Variants in SGCD observed in about 807,000 individuals in gnomAD.
SGCD encodes delta-sarcoglycan.
Under a neutral mutation model 36.6 loss-of-function variants are expected in SGCD, and 18 were observed. That is an observed-to-expected ratio of 0.49 (90% CI 0.34 to 0.73). SGCD has a LOEUF of 0.73. Ranked by LOEUF, SGCD falls within the 30% of genes least tolerant of loss-of-function variation. The pLI is 0.01. For synonymous variants in SGCD, 133 were observed against 130.6 expected, an observed-to-expected ratio of 1.02 and a Z score of -0.12; for missense variants, 387 against 346.7, an observed-to-expected ratio of 1.12 and a Z score of -0.92.
At chr5:156,643,449 G>A (rs1763116374) in intron 6 of SGCD, among the ~76,000 whole-genome samples, 1 of 151,998 alleles carries the variant, frequency 6.6e-6, no homozygotes, top group Non-Finnish European at 1.5e-5. Context: ...GATTTATTAA[G>A]TTAATTGAAC....
chr5:155,852,268 C>T, the SGCD span, among the ~76,000 whole-genome samples: 1 of 152,124 alleles, frequency 6.6e-6, no homozygotes, highest in African/African-American at 2.4e-5. Flanking sequence ...GTGTCCAGAT[C>T]ATTGAATGAG....
chr5:156,424,336 C>T (rs777310144), intron 3 of SGCD, among the ~76,000 whole-genome samples: 2 of 152,042 alleles, frequency 1.3e-5, no homozygotes, highest in East Asian at 1.9e-4. Context: ...CACACCAACA[C>T]ATTTTACCCC....
intron 3 of SGCD, among the ~76,000 whole-genome samples, chr5:156,230,069 T>A (rs1336376228): frequency 6.6e-6 from 1 of 152,178 alleles, no homozygotes; most frequent in Non-Finnish European, 1.5e-5. Context: ...TCACTTCTTG[T>A]GTCTTTTTAT....
rs539042870 is a variant in SGCD at position 156,535,256 on chromosome 5, T to C, written c.294+26554T>C. On this transcript the variant is annotated intron_variant, in intron 4 of 8. Transcript: ENST00000337851. Reference sequence around the variant, plus strand: ...TCATGGGGTATACCCACAAGCAAAATAGAAACAAAGCAAAGGTAGGTAGCC... The same window carrying C: ...TCATGGGGTATACCCACAAGCAAAACAGAAACAAAGCAAAGGTAGGTAGCC... Among the ~76,000 whole-genome samples the C allele has an allele frequency of 2.6e-5, 4 of 152,208 alleles. No homozygotes were observed. In the South Asian group the frequency reaches 8.3e-4, roughly 32 times the overall value.
At chr5:155,948,460 TCTTG>T (rs1292572613) in intron 1 of SGCD, among the ~76,000 whole-genome samples, 1 of 152,182 alleles carries the variant, frequency 6.6e-6, no homozygotes, top group Admixed American at 6.5e-5. Flanking sequence ...GATTCAAATT[TCTTG>T]CTTAACAGAT....
At chr5:156,108,626 T>C (rs920247495) in intron 1 of SGCD, among the ~76,000 whole-genome samples, 78 of 152,176 alleles carry the variant, frequency 5.1e-4, no homozygotes, top group African/African-American at 1.8e-3. Flanking sequence ...CCTAATTGTA[T>C]TTACTTTAAG....
At chr5:155,771,669 C>T in the SGCD span, among the ~76,000 whole-genome samples, 12 of 151,968 alleles carry the variant, frequency 7.9e-5, no homozygotes, top group South Asian at 2.1e-4. Flanking sequence ...ATGATCCACC[C>T]GCCTTGGCCT....
intron 3 of SGCD, among the ~76,000 whole-genome samples, chr5:156,175,750 T>G (rs1289824808): frequency 6.6e-6 from 1 of 152,170 alleles, no homozygotes; most frequent in Non-Finnish European, 1.5e-5. Context: ...TAGAAAGACA[T>G]GCTGTTATTT....
At chr5:156,631,216 C>T (rs1213239134) in intron 6 of SGCD, among the ~76,000 whole-genome samples, 2 of 152,114 alleles carry the variant, frequency 1.3e-5, no homozygotes, top group Non-Finnish European at 2.9e-5. Context: ...TCCTTGTATA[C>T]ACAGTACATT....
At chr5:156,121,614 A>G (rs900690376) in intron 2 of SGCD, among the ~76,000 whole-genome samples, 1 of 152,122 alleles carries the variant, frequency 6.6e-6, no homozygotes, top group African/African-American at 2.4e-5. Context: ...ATGAGGGGTA[A>G]CAAAATAAAA....
the SGCD span, among the ~76,000 whole-genome samples, chr5:155,737,813 T>A: frequency 6.6e-6 from 1 of 152,164 alleles, no homozygotes; most frequent in Admixed American, 6.5e-5. Context: ...CCTTTGACTT[T>A]GACCTCCATT....
At chr5:156,123,400 G>A (rs922205574) in intron 2 of SGCD, among the ~76,000 whole-genome samples, 9 of 152,130 alleles carry the variant, frequency 5.9e-5, no homozygotes, top group Non-Finnish European at 1.2e-4. Context: ...CAGTAAGATT[G>A]GTACCTTAGA....
intron 1 of SGCD, among the ~76,000 whole-genome samples, chr5:155,992,214 C>T (rs1338701352): frequency 6.6e-6 from 1 of 152,136 alleles, no homozygotes; most frequent in Non-Finnish European, 1.5e-5. Context: ...CCTCTTGAAA[C>T]CTTGTTCCCT....
intron 3 of SGCD, among the ~76,000 whole-genome samples, chr5:156,242,736 C>A (rs1225420849): frequency 6.6e-6 from 1 of 152,174 alleles, no homozygotes; most frequent in Non-Finnish European, 1.5e-5. Context: ...CGGACTGCCC[C>A]ATGCAGGGTG....
intron 1 of SGCD, among the ~76,000 whole-genome samples, chr5:155,889,383 G>C (rs1454498853): frequency 6.6e-6 from 1 of 151,984 alleles, no homozygotes; most frequent in Non-Finnish European, 1.5e-5. Context: ...AAGAGCTAAT[G>C]TTTCTATAAA....
chr5:156,210,329 G>T (rs1764405887), intron 3 of SGCD, among the ~76,000 whole-genome samples: 1 of 152,150 alleles, frequency 6.6e-6, no homozygotes. Context: ...GATAAAGCCG[G>T]TGTGTGAAGA....
the SGCD span, among the ~76,000 whole-genome samples, chr5:155,753,758 G>C: frequency 6.6e-6 from 1 of 152,216 alleles, no homozygotes; most frequent in Non-Finnish European, 1.5e-5. Flanking sequence ...ATCGTGTAGG[G>C]ATAGGGTTCC....
chr5:156,130,200 G>C (rs1353208521), intron 3 of SGCD, among the ~76,000 whole-genome samples: 1 of 152,136 alleles, frequency 6.6e-6, no homozygotes, highest in Non-Finnish European at 1.5e-5. Flanking sequence ...GTGTGAGATG[G>C]TATCTTGTAA....
intron 1 of SGCD, among the ~76,000 whole-genome samples, chr5:155,940,192 T>A (rs939484650): frequency 2.6e-5 from 4 of 152,180 alleles, no homozygotes; most frequent in African/African-American, 9.7e-5. Flanking sequence ...TCAAAGCTCA[T>A]TATTATCAGG....
Sources: allele counts gnomAD v4.1 joint callset (sites outside exome capture counted in the v4.1 genomes callset), GRCh38; gene constraint gnomAD v4.1.1; transcripts MANE v1.5; gene names NCBI Gene and HGNC (gene_info 2026-07-23, HGNC 2026-07-21).